KCNQ5: variants seen among roughly 807,000 people sequenced by gnomAD.
The protein encoded by KCNQ5 is potassium voltage-gated channel subfamily Q member 5.
Under a neutral mutation model 98.2 loss-of-function variants are expected in KCNQ5, and 30 were observed. The ratio of observed to expected loss-of-function variants is 0.31; its 90% CI spans 0.23 to 0.41. KCNQ5 has a LOEUF of 0.41. Ranked by LOEUF, KCNQ5 falls within the 10% of genes least tolerant of loss-of-function variation. KCNQ5 has a pLI of 1.00. For missense variants in KCNQ5, 835 were observed against 1,182.5 expected (o/e 0.71, Z 4.31); for synonymous variants, 458 against 449.4 (o/e 1.02, Z -0.24).
chr6:72,722,892 C>T (rs568476971), intron 1 of KCNQ5, among the ~76,000 whole-genome samples: 16 of 148,330 alleles, frequency 1.1e-4, no homozygotes, highest in African/African-American at 3.0e-4. Flanking sequence ...TTCTGTCACC[C>T]AGGCTGGAGT....
At chr6:73,134,606 A>G (rs1776389084) in intron 10 of KCNQ5, among the ~76,000 whole-genome samples, 1 of 152,236 alleles carries the variant, frequency 6.6e-6, no homozygotes. Context: ...AAAGGTCCTC[A>G]GGGATATCTC....
intron 1 of KCNQ5, among the ~76,000 whole-genome samples, chr6:72,733,006 T>C (rs1031103653): frequency 2.6e-5 from 4 of 152,146 alleles, no homozygotes; most frequent in Admixed American, 2.0e-4. Context: ...GGAAGGAAAG[T>C]AGATTTTGTA....
intron 1 of KCNQ5, among the ~76,000 whole-genome samples, chr6:72,672,079 G>A (rs1268045908): frequency 4.7e-5 from 7 of 149,204 alleles, no homozygotes; most frequent in South Asian, 2.1e-4. Flanking sequence ...GCCTCCCAAA[G>A]TGCTGGGATT....
At chr6:72,829,379 G>A (rs1231886210) in intron 1 of KCNQ5, among the ~76,000 whole-genome samples, 1 of 152,086 alleles carries the variant, frequency 6.6e-6, no homozygotes, top group Non-Finnish European at 1.5e-5. Context: ...CCTTATAAAG[G>A]AGCATTTTTG....
At chr6:72,695,183 C>CTA (rs1432112066) in intron 1 of KCNQ5, among the ~76,000 whole-genome samples, 1 of 152,056 alleles carries the variant, frequency 6.6e-6, no homozygotes, top group African/African-American at 2.4e-5. Flanking sequence ...ATATACCTCT[C>CTA]TATATATATT....
intron 3 of KCNQ5, among the ~76,000 whole-genome samples, chr6:73,063,921 T>C (rs9341399): frequency 0.78 from 118,234 of 152,138 alleles, 49,032 homozygotes; most frequent in Non-Finnish European, 0.93. Flanking sequence ...CCAATGTTTA[T>C]CCCTAAGGAT....
At chr6:72,651,740 A>G (rs1281056289) in intron 1 of KCNQ5, among the ~76,000 whole-genome samples, 2 of 152,092 alleles carry the variant, frequency 1.3e-5, no homozygotes, top group African/African-American at 2.4e-5. Context: ...ATGATATTAC[A>G]TATCAAAGAG....
chr6:72,931,749 C>A (rs1423344848), intron 1 of KCNQ5, among the ~76,000 whole-genome samples: 1 of 152,086 alleles, frequency 6.6e-6, no homozygotes, highest in Admixed American at 6.6e-5. Context: ...ACCCAGGGCC[C>A]CTTCCCAACT....
chr6:72,742,014 G>C (rs933193288), intron 1 of KCNQ5, among the ~76,000 whole-genome samples: 8 of 152,162 alleles, frequency 5.3e-5, no homozygotes, highest in Non-Finnish European at 1.2e-4. Context: ...TCCGCTTCAT[G>C]CTCTGCCATT....
intron 1 of KCNQ5, among the ~76,000 whole-genome samples, chr6:72,864,210 C>T (rs1460759831): frequency 6.6e-6 from 1 of 152,158 alleles, no homozygotes; most frequent in African/African-American, 2.4e-5. Flanking sequence ...GCATGCATGC[C>T]AGCCATGCCT....
At chr6:73,103,875 T>C (rs972997049) in intron 5 of KCNQ5, among the ~76,000 whole-genome samples, 7 of 152,194 alleles carry the variant, frequency 4.6e-5, no homozygotes, top group African/African-American at 1.7e-4. Flanking sequence ...GGATTATTTG[T>C]AACACAAAGG....
chr6:73,087,741 C>T (rs1269608020), intron 5 of KCNQ5, among the ~76,000 whole-genome samples: 1 of 151,832 alleles, frequency 6.6e-6, no homozygotes, highest in African/African-American at 2.4e-5. Flanking sequence ...AAAGAGCCAC[C>T]AAGGAATACA....
intron 9 of KCNQ5, chr6:73,125,312 G>A: frequency 2.2e-6 from 1 of 453,046 alleles, no homozygotes; most frequent in Non-Finnish European, 4.4e-6. Context: ...CTTGATCTGT[G>A]TTAATGAGTA....
chr6:72,920,874 C>T (rs61127549), intron 1 of KCNQ5, among the ~76,000 whole-genome samples: 2,275 of 152,250 alleles, frequency 0.015, 54 homozygotes, highest in African/African-American at 0.051. Flanking sequence ...TAGATGTAAT[C>T]TTAGGCTGTA....
chr6:72,734,415 G>A (rs866932750), intron 1 of KCNQ5, among the ~76,000 whole-genome samples: 15 of 151,944 alleles, frequency 9.9e-5, no homozygotes, highest in South Asian at 8.3e-4. Flanking sequence ...TCCACCTCCC[G>A]GGTTCACGCC....
At chr6:73,107,182 A>G (rs1775038339) in intron 6 of KCNQ5, among the ~76,000 whole-genome samples, 1 of 152,182 alleles carries the variant, frequency 6.6e-6, no homozygotes, top group Non-Finnish European at 1.5e-5. Context: ...ATGTAGAGCA[A>G]CCTCTATGAT....
intron 11 of KCNQ5, among the ~76,000 whole-genome samples, chr6:73,178,698 C>G (rs1446991020): frequency 6.6e-6 from 1 of 151,946 alleles, no homozygotes; most frequent in Non-Finnish European, 1.5e-5. Context: ...TCCAGGGACT[C>G]CTGGGGTTCC....
intron 3 of KCNQ5, chr6:73,055,696 G>C: frequency 8.9e-7 from 1 of 1,128,932 alleles, no homozygotes; most frequent in Non-Finnish European, 1.3e-6. Context: ...TCTCTGAAGA[G>C]GCTATCATGG....
chr6:73,027,666 T>C (rs1238802019), intron 2 of KCNQ5, among the ~76,000 whole-genome samples: 1 of 152,240 alleles, frequency 6.6e-6, no homozygotes, highest in Non-Finnish European at 1.5e-5. Context: ...CTCTTAACTA[T>C]GCTAAATCTT....
Sources: allele counts gnomAD v4.1 joint callset (sites outside exome capture counted in the v4.1 genomes callset), GRCh38; gene constraint gnomAD v4.1.1; transcripts MANE v1.5; gene names NCBI Gene and HGNC (gene_info 2026-07-23, HGNC 2026-07-21).